Variants in ITIH4 observed in about 807,000 individuals in gnomAD.
The protein encoded by ITIH4 is inter-alpha-trypsin inhibitor heavy chain 4.
A neutral mutation model predicts 111.8 loss-of-function variants in ITIH4; 79 were observed. The observed-to-expected ratio is 0.71, with a 90% CI of 0.59 to 0.85. The LOEUF (loss-of-function observed/expected upper bound fraction) is 0.85, where lower values mean the gene tolerates loss of function less well. ITIH4 is among the 40% of genes least tolerant of loss of function. ITIH4 has a pLI of 0.00. For synonymous variants in ITIH4, 472 were observed against 468.3 expected, an observed-to-expected ratio of 1.01 and a Z score of -0.10; for missense variants, 1,065 against 1,195.8, an observed-to-expected ratio of 0.89 and a Z score of 1.61.
chr3:52,823,940 G>T lies in ITIH4; in HGVS notation c.1236C>A (p.Leu412=), dbSNP rs1408494837. 1.2e-6 allele frequency: 2 copies of T among 1,604,436 alleles called. No individual in the cohort carries two copies. The highest frequency in any genetic ancestry group is 2.2e-5 in the South Asian group (2 of 88,978). ...CGTCGAAACCGAAGCCCAGGCAGAA[G>T]AGGCTGTACCGGCCACTTACAGCTT... ...VREAVSGRYS[L]FCLGFGFDVS... Residue 412 remains leucine, a synonymous_variant, in exon 10 of 24, where the codon CTC becomes CTA. Transcript: ENST00000266041.
intron 6 of ITIH4, 78 bp downstream of exon 6, chr3:52,825,808 T>C: frequency 1.3e-6 from 2 of 1,503,652 alleles, no homozygotes; most frequent in South Asian, 1.3e-5. Context: ...TCTTTTCCTG[T>C]TCTAAAATAC....
intron 13 of ITIH4, 123 bp from the exon 14 acceptor site, chr3:52,820,440 C>T (rs1006513348): frequency 6.3e-5 from 77 of 1,215,752 alleles, no homozygotes; most frequent in African/African-American, 5.3e-4. Flanking sequence ...TGGACTATAT[C>T]GTAGGTGCAA....
rs938126750 is a variant in ITIH4, at chr3:52,825,934, G to T, written c.711C>A (p.Leu237=). The change falls in exon 6 of 24, where the codon CTC becomes CTA. Residue 237 remains leucine, a synonymous_variant. Coordinates refer to ENST00000266041, the MANE Select transcript of ITIH4 (RefSeq NM_002218.5). ...CCCGGTCCACATCATAGCGGATAAT[G>T]AGGTTGCCGTCCAGGACTGTTTCTT... ...EQQETVLDGN[L]IIRYDVDRAI... 1 of 1,614,158 alleles carries T rather than the reference G, an allele frequency of 6.2e-7. No individual in the cohort carries two copies. The highest frequency in any genetic ancestry group is 1.3e-5 in the African/African-American group (1 of 75,042).
chr3:52,814,260 G>A lies in ITIH4; in HGVS notation c.2575C>T (p.Leu859Phe). The change falls in exon 22 of 24, where the codon CTC (leucine) becomes TTC (phenylalanine). Residue 859 changes from leucine (L) to phenylalanine (F), a missense_variant. Transcript: ENST00000266041. Reference sequence around the variant, plus strand: ...AAGCGGTCAGTGTCACGCAGAAGGAGCCGGAGCCCCTCCCCACGGCCATCC... The same window carrying A: ...AAGCGGTCAGTGTCACGCAGAAGGAACCGGAGCCCCTCCCCACGGCCATCC... ...FWDGRGEGLRLLLRDTDRFSS... is the reference protein window; with the variant it reads ...FWDGRGEGLRFLLRDTDRFSS... 1 of 1,613,850 alleles carries A rather than the reference G, an allele frequency of 6.2e-7. No homozygotes were observed. Among genetic ancestry groups the A allele is most frequent in the East Asian group, 2.2e-5 (1 of 44,880 alleles).
rs1187846634 is a variant in ITIH4, at chr3:52,823,846, A to G, written c.1330T>C (p.Ser444Pro). ...ACCTGGAGCTGCAGGGCAGAGTCTG[A>G]GTCCTCATGGATGCGCCGGGCCAGG... ...GGLARRIHED[S>P]DSALQLQDFY... Residue 444 changes from serine to proline, a missense_variant, in exon 10 of 24, where the codon TCA becomes CCA. By Grantham distance (74) the Ser-to-Pro change is moderately conservative. Coordinates refer to ENST00000266041, the MANE Select transcript of ITIH4 (RefSeq NM_002218.5). The G allele has an allele frequency of 6.2e-7, 1 of 1,613,786 alleles. No homozygotes were observed. Among genetic ancestry groups the G allele is most frequent in the Non-Finnish European group, 8.5e-7 (1 of 1,180,000 alleles).
Position 52,825,955 on chromosome 3 carries a change from T to G in ITIH4, c.690A>C (p.Glu230Asp). The change falls in exon 6 of 24, where the codon GAA becomes GAC. Residue 230 changes from glutamate to aspartate, a missense_variant. Glu to Asp is a conservative substitution (Grantham distance 45). Coordinates refer to ENST00000266041, the MANE Select transcript of ITIH4 (RefSeq NM_002218.5). Reference protein sequence around the residue: ...SQQQKSPEQQETVLDGNLIIR... With the variant: ...SQQQKSPEQQDTVLDGNLIIR... ...TAATGAGGTTGCCGTCCAGGACTGTTTCTTGCTGCTCTGGGGACTTTTGCT... is the reference window on the plus strand; with the variant it reads ...TAATGAGGTTGCCGTCCAGGACTGTGTCTTGCTGCTCTGGGGACTTTTGCT... The G allele has an allele frequency of 6.2e-7, 1 of 1,614,168 alleles. No individual in the cohort carries two copies. Among genetic ancestry groups the G allele is most frequent in the Non-Finnish European group, 8.5e-7 (1 of 1,180,012 alleles).
chr3:52,826,888 G>A lies in ITIH4; in HGVS notation c.422C>T (p.Thr141Ile), dbSNP rs200155353. ...CAGCTCCTCATAGACCAGCTCAAAGGTGATCTTGGCATTGGGAGCCACACT... is the reference window on the plus strand; with the variant it reads ...CAGCTCCTCATAGACCAGCTCAAAGATGATCTTGGCATTGGGAGCCACACT... ...SVSVAPNAKI[T>I]FELVYEELLK... Residue 141 changes from threonine to isoleucine, a missense_variant, in exon 4 of 24, where the codon ACC becomes ATC. Coordinates refer to ENST00000266041, the MANE Select transcript of ITIH4 (RefSeq NM_002218.5). The A allele has an allele frequency of 2.5e-6, 4 of 1,613,996 alleles. No homozygotes were observed.
intron 2 of ITIH4, 44 bp from the exon 3 acceptor site, chr3:52,827,241 G>T: frequency 6.7e-7 from 1 of 1,483,996 alleles, no homozygotes; most frequent in Non-Finnish European, 9.4e-7. Flanking sequence ...TGGTGGCAGG[G>T]GCCCATTCCA....
chr3:52,824,095 C>A lies in ITIH4; in HGVS notation c.1172-91G>T. 4 of 1,570,462 alleles carry A rather than the reference C, an allele frequency of 2.5e-6. No individual in the cohort carries two copies. The highest frequency in any genetic ancestry group is 3.5e-6 in the Non-Finnish European group (4 of 1,155,246). On this transcript the variant is annotated intron_variant, in intron 9 of 23. Transcript: ENST00000266041. The surrounding 1 kb of genome is among the most constrained non-coding windows in gnomAD (Gnocchi z 4.3). ...CTCAGAGCCGAGGGGCCTCAGTGACCCCCTCTCCCTGCCCAGATCCCACAG... is the reference window on the plus strand; with the variant it reads ...CTCAGAGCCGAGGGGCCTCAGTGACACCCTCTCCCTGCCCAGATCCCACAG...
chr3:52,823,036 T>A (rs1700412510), intron 11 of ITIH4, among the ~76,000 whole-genome samples: 1 of 152,178 alleles, frequency 6.6e-6, no homozygotes, highest in Admixed American at 6.5e-5. Context: ...CATTCACTGC[T>A]GCATCCCAGG....
chr3:52,827,459 A>G (rs1011489383), intron 2 of ITIH4, among the ~76,000 whole-genome samples: 1 of 152,196 alleles, frequency 6.6e-6, no homozygotes, highest in African/African-American at 2.4e-5. Context: ...GACGAAGGGG[A>G]GGCTGCAGAG....
chr3:52,824,195 G>A lies in ITIH4; in HGVS notation c.1166C>T (p.Thr389Ile). Residue 389 changes from threonine to isoleucine, a missense_variant, in exon 9 of 24, where the codon ACT (threonine) becomes ATT (isoleucine). Transcript: ENST00000266041. This position sits in a 1 kb window ranked among gnomAD's most constrained non-coding sequence, Gnocchi z 4.3. ...LIILLTDGDP[T>I]VGETNPRSIQ... ...GTCACGGGCAGGGCCCTCACCCACA[G>A]TGGGGTCGCCATCGGTGAGCAGGAT... The A allele has an allele frequency of 1.2e-6, 2 of 1,613,330 alleles. No homozygotes were observed. The highest frequency in any genetic ancestry group is 1.7e-6 in the Non-Finnish European group (2 of 1,179,996).
chr3:52,824,844 G>A lies in ITIH4; in HGVS notation c.874C>T (p.Gln292Ter). 1 of 1,611,732 alleles carries A rather than the reference G, an allele frequency of 6.2e-7. No homozygotes were observed. The highest frequency in any genetic ancestry group is 8.5e-7 in the Non-Finnish European group (1 of 1,178,210). ...CTGCCCTGGGCCACAGGACCTACCT[G>A]CTGGATTTTCCTGCCACTCATGGAG... ...SGSMSGRKIQ[Q>*]TREALIKILD... Residue 292 changes from glutamine (Q) to a stop codon, truncating the protein, a stop_gained and splice_region_variant, in exon 7 of 24, where the codon CAG becomes TAG. Transcript: ENST00000266041. LOFTEE classifies it high-confidence loss of function. This position sits in a 1 kb window ranked among gnomAD's most constrained non-coding sequence, Gnocchi z 4.3.
At chr3:52,822,356 A>C (rs1383009869) in intron 11 of ITIH4, 2 of 152,214 alleles carry the variant, frequency 1.3e-5, no homozygotes, top group African/African-American at 4.8e-5. Flanking sequence ...AAATAAAAAA[A>C]AAAATCTTAG....
Position 52,819,763 on chromosome 3 carries a change from TC to T in ITIH4, c.1941del (p.Trp647Ter). 6.2e-7 allele frequency: 1 copy of T among 1,614,020 alleles called. No homozygotes were observed. The highest frequency in any genetic ancestry group is 8.5e-7 in the Non-Finnish European group (1 of 1,179,968). ...PEASFSPRRG[W>X]NRQAGAAGSR... is the part of the protein sequence containing the mutation. ...GAAACCCTCAAACTACCTTGTCTAT[TC>T]CATCCTCTTCTTGGAGAAAAGGAAG... On this transcript the variant is annotated frameshift_variant, in exon 16 of 24. Transcript: ENST00000266041. LOFTEE classifies it high-confidence loss of function.
intron 21 of ITIH4, among the ~76,000 whole-genome samples, chr3:52,815,949 G>T (rs907158776): frequency 6.6e-6 from 1 of 152,196 alleles, no homozygotes; most frequent in Admixed American, 6.5e-5. Context: ...GCCTACCAAA[G>T]TGCTGGGATT....
chr3:52,813,523 G>A, intron 23 of ITIH4, 33 bp from the exon 24 acceptor site: 2 of 1,594,846 alleles, frequency 1.3e-6, no homozygotes, highest in Non-Finnish European at 1.7e-6. Flanking sequence ...TAGGCAGGTG[G>A]TCAGCAAATC....
chr3:52,824,529 T>C lies in ITIH4; in HGVS notation c.913A>G (p.Ser305Gly), dbSNP rs781519371. Reference protein sequence around the residue: ...EALIKILDDLSPRDQFNLIVF... With the variant: ...EALIKILDDLGPRDQFNLIVF... ...ATGAGGTTGAACTGGTCTCTGGGGC[T>C]GAGGTCATCCAGGATCTTGATTAGG... Residue 305 changes from serine (S) to glycine (G), a missense_variant, in exon 8 of 24, where the codon AGC becomes GGC. Transcript: ENST00000266041. This position sits in a 1 kb window ranked among gnomAD's most constrained non-coding sequence, Gnocchi z 4.3. 2.2e-5 allele frequency: 35 copies of C among 1,613,754 alleles called. 1 individual carries two copies. The highest frequency in any genetic ancestry group is 3.4e-6 in the Non-Finnish European group (4 of 1,179,994).
chr3:52,829,180 C>T lies in ITIH4; in HGVS notation c.190G>A (p.Val64Met). The change falls in exon 2 of 24, where the codon GTG becomes ATG. Residue 64 changes from valine (V) to methionine (M), a missense_variant. Physicochemically the swap from Val to Met is conservative, Grantham distance 21. Transcript: ENST00000266041. ...TSRVVNRANT[V>M]QEATFQMELP... ...TCCATCTGGAAGGTGGCCTCCTGCA[C>T]AGTATTGGCCCTATTGACCACTCGG... 6.2e-7 allele frequency: 1 copy of T among 1,613,224 alleles called. No individual in the cohort carries two copies. Among genetic ancestry groups the T allele is most frequent in the Non-Finnish European group, 8.5e-7 (1 of 1,179,324 alleles).
Sources: gnomAD v4.1 joint callset for allele counts (sites outside exome capture counted in the v4.1 genomes callset) on GRCh38, gnomAD v4.1.1 for gene constraint, Gnocchi (gnomAD v3.1) non-coding constraint, MANE v1.5 for transcripts, NCBI Gene and HGNC (gene_info 2026-07-23, HGNC 2026-07-21) for gene names.